RUNX1: variants seen among roughly 807,000 people sequenced by gnomAD.
The protein encoded by RUNX1 is runt-related transcription factor 1.
RUNX1 carries 19 observed loss-of-function variants against 42.8 expected under a neutral mutation model. The observed-to-expected ratio is 0.44, with a 90% CI of 0.31 to 0.65. RUNX1 has a LOEUF of 0.65. Among genes scored for constraint, RUNX1 ranks in the 30% least tolerant of loss-of-function variants. The pLI, the probability that RUNX1 is intolerant of heterozygous loss-of-function variation, is 0.07. For synonymous variants in RUNX1, 271 were observed against 289.4 expected (o/e 0.94, Z 0.64); for missense variants, 528 against 672.0 (o/e 0.79, Z 2.37).
At chr21:34,857,826 G>A (rs932255036) in intron 6 of RUNX1, among the ~76,000 whole-genome samples, 1 of 152,180 alleles carries the variant, frequency 6.6e-6, no homozygotes, top group African/African-American at 2.4e-5. Context: ...TTCCTACTCT[G>A]GAAACCTAAG....
rs1037438398 is a variant in RUNX1, at chr21:35,035,235, T to A, written c.58+13607A>T. 3.3e-5 allele frequency among the ~76,000 whole-genome samples: 5 copies of A among 152,324 alleles called. No homozygotes were observed. The East Asian group carries it at 9.6e-4, about 29-fold the overall frequency. ...GCAACAGCTGCATGGGTAATCATCA[T>A]CGTCACACTGTACAGATGAGGAAAA... On this transcript the variant is annotated intron_variant, in intron 2 of 8. Transcript: ENST00000675419.
intron 3 of RUNX1, among the ~76,000 whole-genome samples, chr21:34,890,620 G>T (rs1331779376): frequency 6.6e-6 from 1 of 152,196 alleles, no homozygotes; most frequent in East Asian, 1.9e-4. Flanking sequence ...GGCACTGCCA[G>T]CACCCGAGTT....
intron 6 of RUNX1, among the ~76,000 whole-genome samples, chr21:34,845,506 G>A (rs930294222): frequency 2.6e-5 from 4 of 152,170 alleles, no homozygotes; most frequent in Admixed American, 6.5e-5. Context: ...TCTGTGTTAC[G>A]CAGGCAATAG....
At chr21:34,804,185 C>T (rs539518845) in intron 7 of RUNX1, among the ~76,000 whole-genome samples, 7 of 152,242 alleles carry the variant, frequency 4.6e-5, no homozygotes, top group Admixed American at 1.3e-4. Context: ...TGACAGATTG[C>T]TAGAGGCTCA....
intron 2 of RUNX1, among the ~76,000 whole-genome samples, chr21:34,958,851 C>T (rs1245590858): frequency 6.6e-6 from 1 of 151,968 alleles, no homozygotes; most frequent in Non-Finnish European, 1.5e-5. Context: ...ACATATACAC[C>T]ATGGAATACT....
intron 6 of RUNX1, among the ~76,000 whole-genome samples, chr21:34,839,409 C>A (rs1490803560): frequency 6.6e-6 from 1 of 152,072 alleles, no homozygotes; most frequent in Non-Finnish European, 1.5e-5. Flanking sequence ...CCCACCGACA[C>A]ACACACTCGG....
rs866812011 is a variant in RUNX1 at position 34,799,465 on chromosome 21, G to A, written c.806-3C>T. 10 of 1,613,826 alleles carry A rather than the reference G, an allele frequency of 6.2e-6. No homozygotes were observed. In the East Asian group the frequency reaches 2.2e-4, roughly 36 times the overall value. On this transcript the variant is annotated splice_polypyrimidine_tract_variant and splice_region_variant and intron_variant, in intron 7 of 8. Coordinates refer to ENST00000675419, the MANE Select transcript of RUNX1 (RefSeq NM_001754.5). The stretch of plus-strand genomic sequence containing the variant: ...GGATGGTTGGATCTGCCTTGTATCT[G>A]AAGAGAATCAGAAAGGTCAATTATA...
intron 4 of RUNX1, among the ~76,000 whole-genome samples, chr21:34,885,487 AC>A (rs2057969779): frequency 6.6e-6 from 1 of 152,228 alleles, no homozygotes; most frequent in African/African-American, 2.4e-5. Flanking sequence ...CCACTAAAAA[AC>A]AAAACAAACA....
chr21:34,844,586 ATGAG>A (rs3831801), intron 6 of RUNX1, among the ~76,000 whole-genome samples: 23,340 of 152,070 alleles, frequency 0.15, 2,272 homozygotes, highest in East Asian at 0.47. Flanking sequence ...AAATAAATGA[ATGAG>A]TGAGTGAGTG....
At chr21:34,794,442 T>C (rs1255272193) in intron 8 of RUNX1, among the ~76,000 whole-genome samples, 2 of 152,244 alleles carry the variant, frequency 1.3e-5, no homozygotes, top group Non-Finnish European at 2.9e-5. Context: ...TGGTATTCTC[T>C]ATTATGCACT....
chr21:34,799,824 A>C (rs2056583523), intron 7 of RUNX1, among the ~76,000 whole-genome samples: 1 of 152,240 alleles, frequency 6.6e-6, no homozygotes, highest in Non-Finnish European at 1.5e-5. Context: ...ACATGATTTC[A>C]GCTTTGCCAA....
intron 4 of RUNX1, among the ~76,000 whole-genome samples, chr21:34,885,497 C>A (rs2057969941): frequency 6.6e-6 from 1 of 151,808 alleles, no homozygotes; most frequent in Admixed American, 6.5e-5. Context: ...ACAAAACAAA[C>A]AAAAAAAACT....
At chr21:34,852,039 A>C (rs1023032529) in intron 6 of RUNX1, among the ~76,000 whole-genome samples, 1 of 152,096 alleles carries the variant, frequency 6.6e-6, no homozygotes, top group Non-Finnish European at 1.5e-5. Flanking sequence ...GTGGTGGCAC[A>C]CACCTGTAGT....
chr21:34,949,027 T>G (rs1298436745), intron 2 of RUNX1, among the ~76,000 whole-genome samples: 1 of 152,120 alleles, frequency 6.6e-6, no homozygotes, highest in African/African-American at 2.4e-5. Context: ...GTGCTGGGAT[T>G]ACAGGCGTGA....
chr21:34,839,245 G>GAC (rs955799862), intron 6 of RUNX1, among the ~76,000 whole-genome samples: 127 of 151,258 alleles, frequency 8.4e-4, no homozygotes, highest in African/African-American at 3.0e-3. Flanking sequence ...AACACCCACC[G>GAC]ACACACACAC....
At chr21:34,850,408 G>C (rs1428073117) in intron 6 of RUNX1, among the ~76,000 whole-genome samples, 1 of 152,234 alleles carries the variant, frequency 6.6e-6, no homozygotes, top group African/African-American at 2.4e-5. Context: ...TGCAAAGCTT[G>C]GCTGCGGGGA....
At chr21:34,983,267 G>A (rs1038442801) in intron 2 of RUNX1, among the ~76,000 whole-genome samples, 1 of 152,180 alleles carries the variant, frequency 6.6e-6, no homozygotes, top group Non-Finnish European at 1.5e-5. Flanking sequence ...CATAGGAAGC[G>A]CTAAGCTAAA....
At chr21:34,807,433 G>T (rs1409004208) in intron 7 of RUNX1, among the ~76,000 whole-genome samples, 1 of 152,148 alleles carries the variant, frequency 6.6e-6, no homozygotes, top group African/African-American at 2.4e-5. Flanking sequence ...AGGTCTTTCA[G>T]TCATCTCTCA....
chr21:34,821,443 A>G, intron 7 of RUNX1: 1 of 1,363,764 alleles, frequency 7.3e-7, no homozygotes, highest in Non-Finnish European at 9.5e-7. Context: ...AGGCTAACTC[A>G]TTTAATCCTC....
Sources: allele counts gnomAD v4.1 joint callset (sites outside exome capture counted in the v4.1 genomes callset), GRCh38; gene constraint gnomAD v4.1.1; transcripts MANE v1.5; gene names NCBI Gene and HGNC (gene_info 2026-07-23, HGNC 2026-07-21).